Variants in ZBBX observed in about 807,000 individuals in gnomAD.
The protein encoded by ZBBX is zinc finger B-box domain containing, also known as zinc finger B-box domain-containing protein 1.
ZBBX carries 101 observed loss-of-function variants against 108.5 expected under a neutral mutation model. The observed-to-expected ratio is 0.93, with a 90% CI of 0.79 to 1.10. The LOEUF is 1.10. Ranked by LOEUF, ZBBX falls within the 50% of genes least tolerant of loss-of-function variation. The probability of loss-of-function intolerance (pLI) is 0.00; values close to 1 mark genes in which losing one functional copy is unlikely to be tolerated. For synonymous variants in ZBBX, 356 were observed against 323.4 expected (o/e 1.10, Z -1.08); for missense variants, 1,009 against 941.4 (o/e 1.07, Z -0.94).
chr3:167,224,863 G>A, the ZBBX span, among the ~76,000 whole-genome samples: 1 of 151,692 alleles, frequency 6.6e-6, no homozygotes. Context: ...CCATATTCCA[G>A]CTCTTCCCAG....
intron 1 of ZBBX, among the ~76,000 whole-genome samples, chr3:167,404,129 T>G (rs1487879420): frequency 1.3e-5 from 2 of 152,134 alleles, no homozygotes; most frequent in Non-Finnish European, 2.9e-5. Context: ...AGAGACCTGG[T>G]TCGGCTATAT....
intron 17 of ZBBX, among the ~76,000 whole-genome samples, chr3:167,299,756 A>C (rs1489278805): frequency 6.6e-6 from 1 of 152,202 alleles, no homozygotes; most frequent in Non-Finnish European, 1.5e-5. Flanking sequence ...TAGATTTCTA[A>C]GTCATTTCTT....
At chr3:167,313,882 A>G in intron 16 of ZBBX, 92 bp downstream of exon 16, 1 of 1,243,338 alleles carries the variant, frequency 8.0e-7, no homozygotes, top group African/African-American at 1.5e-5. Context: ...TTTTGGTTTT[A>G]AAATGAACAG....
At chr3:167,213,052 T>C in the ZBBX span, among the ~76,000 whole-genome samples, 1 of 152,160 alleles carries the variant, frequency 6.6e-6, no homozygotes, top group Non-Finnish European at 1.5e-5. Context: ...GGGCTCAATC[T>C]ACACTGCAGT....
intron 16 of ZBBX, among the ~76,000 whole-genome samples, chr3:167,310,476 A>C (rs1734385299): frequency 6.6e-6 from 1 of 152,198 alleles, no homozygotes; most frequent in East Asian, 1.9e-4. Context: ...TGGGTACTTT[A>C]TTAAGGAAAG....
intron 4 of ZBBX, among the ~76,000 whole-genome samples, chr3:167,371,094 G>A (rs975908823): frequency 2.6e-5 from 4 of 152,086 alleles, no homozygotes; most frequent in African/African-American, 9.7e-5. Flanking sequence ...AGAACTCTAC[G>A]GTAATTACTG....
chr3:167,378,719 G>A (rs1747346104), intron 2 of ZBBX, among the ~76,000 whole-genome samples: 1 of 152,132 alleles, frequency 6.6e-6, no homozygotes, highest in African/African-American at 2.4e-5. Context: ...TCAAGATTGT[G>A]CTTTACCCTT....
the ZBBX span, among the ~76,000 whole-genome samples, chr3:167,222,323 T>C: frequency 6.6e-6 from 1 of 151,908 alleles, no homozygotes; most frequent in African/African-American, 2.4e-5. Flanking sequence ...GGCAAACTTC[T>C]TATGTTCACA....
chr3:167,353,445 T>A (rs1743002845), intron 8 of ZBBX, among the ~76,000 whole-genome samples: 1 of 151,984 alleles, frequency 6.6e-6, no homozygotes, highest in African/African-American at 2.4e-5. Context: ...AAACAATGGG[T>A]GTTAACTAAA....
intron 8 of ZBBX, among the ~76,000 whole-genome samples, chr3:167,358,627 C>T (rs1381271044): frequency 2.0e-5 from 3 of 151,930 alleles, no homozygotes; most frequent in Non-Finnish European, 4.4e-5. Context: ...TTTCATTTCA[C>T]ATTATAGCTT....
chr3:167,212,177 C>A, the ZBBX span, among the ~76,000 whole-genome samples: 1 of 152,150 alleles, frequency 6.6e-6, no homozygotes, highest in Non-Finnish European at 1.5e-5. Flanking sequence ...GTTACACCTT[C>A]AAGTTCTGGA....
At chr3:167,318,805 T>C (rs116708634) in intron 12 of ZBBX, among the ~76,000 whole-genome samples, 2,123 of 151,978 alleles carry the variant, frequency 0.014, 26 homozygotes, top group South Asian at 0.026. Context: ...TGAAGAGCTA[T>C]TATGGGCATC....
At chr3:167,308,457 G>A (rs1160584600) in intron 16 of ZBBX, among the ~76,000 whole-genome samples, 2 of 151,920 alleles carry the variant, frequency 1.3e-5, no homozygotes, top group African/African-American at 4.8e-5. Context: ...CTCATTACTG[G>A]GTATATACCC....
chr3:167,320,538 T>A (rs190335881), intron 12 of ZBBX, among the ~76,000 whole-genome samples: 5 of 152,102 alleles, frequency 3.3e-5, no homozygotes, highest in Admixed American at 2.6e-4. Context: ...CAGGCAAAAT[T>A]CACTCACAAA....
In ZBBX at chr3:167,378,665, A is replaced by G. The variant is rs562164843; in HGVS notation, c.-132+973T>C. 2.0e-5 allele frequency among the ~76,000 whole-genome samples: 3 copies of G among 152,310 alleles called. No individual in the cohort carries two copies. The East Asian group carries it at 5.8e-4, about 29-fold the overall frequency. ...AGGGGCAGCCTTAGAAACTACCTAG[A>G]GAAGGCACAGCCTTAGAAACTACCT... is the stretch of plus-strand genomic sequence containing the variant. On this transcript the variant is annotated intron_variant, in intron 2 of 21. Coordinates refer to ENST00000675490, the MANE Select transcript of ZBBX (RefSeq NM_001199201.2).
chr3:167,358,324 G>T (rs1743929956), intron 8 of ZBBX, among the ~76,000 whole-genome samples: 1 of 151,686 alleles, frequency 6.6e-6, no homozygotes, highest in African/African-American at 2.4e-5. Context: ...AGGTAGAGTA[G>T]TCAAATTCTC....
the ZBBX span, among the ~76,000 whole-genome samples, chr3:167,181,388 A>G: frequency 2.0e-5 from 3 of 152,190 alleles, no homozygotes; most frequent in Non-Finnish European, 4.4e-5. Context: ...GGCCCTTCAC[A>G]ATACAAAATA....
At chr3:167,365,791 G>T in intron 6 of ZBBX, 95 bp downstream of exon 6, 2 of 638,332 alleles carry the variant, frequency 3.1e-6, no homozygotes, top group Non-Finnish European at 4.8e-6. Context: ...AAAATAAGAA[G>T]AGTATATTCC....
In ZBBX at chr3:167,368,015, T is replaced by A. The variant is rs185180310; in HGVS notation, c.182+446A>T. Among the ~76,000 whole-genome samples, 1,074 of 147,670 alleles carry A rather than the reference T, an allele frequency of 7.3e-3. 6 individuals carry two copies. The highest frequency in any genetic ancestry group is 0.011 in the Admixed American group (163 of 14,652). On this transcript the variant is annotated intron_variant, in intron 5 of 21. Coordinates refer to ENST00000675490, the MANE Select transcript of ZBBX (RefSeq NM_001199201.2). ...ATATATATATGTAATAGCATTTATT[T>A]TTCAGATCTTCATTATGTATATATA...
Sources: allele counts gnomAD v4.1 joint callset (sites outside exome capture counted in the v4.1 genomes callset), GRCh38; gene constraint gnomAD v4.1.1; transcripts MANE v1.5; gene names NCBI Gene and HGNC (gene_info 2026-07-23, HGNC 2026-07-21).